Variants in TAFA2 observed in about 807,000 individuals in gnomAD.
The protein encoded by TAFA2 is TAFA chemokine like family member 2, also known as chemokine-like protein TAFA-2.
Under a neutral mutation model 18.8 loss-of-function variants are expected in TAFA2, and 7 were observed. The observed-to-expected ratio is 0.37, with a 90% confidence interval of 0.21 to 0.70. TAFA2 has a LOEUF of 0.70. Among genes scored for constraint, TAFA2 ranks in the 30% least tolerant of loss-of-function variants. The pLI is 0.53. For synonymous variants in TAFA2, 60 were observed against 54.2 expected (o/e 1.11, Z -0.47); for missense variants, 122 against 158.1 (o/e 0.77, Z 1.23).
chr12:61,745,777 A>T (rs558480735), intron 4 of TAFA2, among the ~76,000 whole-genome samples: 12 of 152,188 alleles, frequency 7.9e-5, no homozygotes, highest in African/African-American at 2.9e-4. Flanking sequence ...TGATGTTAAG[A>T]GAGGGAGATT....
In TAFA2 at chr12:62,234,269, T is replaced by C. The variant is rs1482570804; in HGVS notation, c.-130+24494A>G. 3 of 376,238 alleles carry C rather than the reference T, an allele frequency of 8.0e-6. No homozygotes were observed. The East Asian group carries it at 1.9e-4, about 24-fold the overall frequency. 23.3% of individuals were successfully genotyped at this position (376,238 alleles called of 1,614,324 possible). A position where few individuals can be genotyped will look rare whatever the true frequency, so the allele number is the denominator to read the frequency against. Reference sequence around the variant, plus strand: ...ATGGGTCCCCACAGCCTTGGTGCTCTCAGTATTGTAGGCTCAAAAAACATT... The same window carrying C: ...ATGGGTCCCCACAGCCTTGGTGCTCCCAGTATTGTAGGCTCAAAAAACATT... On this transcript the variant is annotated intron_variant, in intron 1 of 5. Transcript: ENST00000551619.
intron 1 of TAFA2, among the ~76,000 whole-genome samples, chr12:62,098,677 G>A (rs866807785): frequency 6.6e-6 from 1 of 152,018 alleles, no homozygotes. Context: ...GGAAGTCTAC[G>A]CCTCTTGCAA....
At chr12:62,087,504 A>G (rs1217294587) in intron 1 of TAFA2, among the ~76,000 whole-genome samples, 6 of 152,090 alleles carry the variant, frequency 3.9e-5, no homozygotes, top group African/African-American at 1.4e-4. Flanking sequence ...CCTGGGGGAC[A>G]AGCATTTGAA....
chr12:61,870,037 C>T (rs1261969724), intron 1 of TAFA2, among the ~76,000 whole-genome samples: 1 of 152,160 alleles, frequency 6.6e-6, no homozygotes, highest in Admixed American at 6.5e-5. Flanking sequence ...GATGACAGAA[C>T]TGACAGATGG....
At chr12:62,194,475 A>G (rs1399904660), upstream of TAFA2, among the ~76,000 whole-genome samples, 11 of 152,180 alleles carry the variant, frequency 7.2e-5, no homozygotes, top group Non-Finnish European at 1.6e-4. Flanking sequence ...TTTTCTAACT[A>G]AACCCACTGT....
At chr12:61,961,481 T>C (rs1275129519) in intron 1 of TAFA2, among the ~76,000 whole-genome samples, 1 of 152,030 alleles carries the variant, frequency 6.6e-6, no homozygotes, top group East Asian at 1.9e-4. Context: ...TCATTTTTGT[T>C]AACTGGGAGT....
At chr12:61,732,069 G>A (rs998945985) in intron 4 of TAFA2, among the ~76,000 whole-genome samples, 14 of 152,102 alleles carry the variant, frequency 9.2e-5, no homozygotes, top group African/African-American at 3.4e-4. Context: ...GAGAGAAAGA[G>A]AGGGACTTTT....
At chr12:61,964,052 T>A (rs938295114) in intron 1 of TAFA2, among the ~76,000 whole-genome samples, 4 of 151,990 alleles carry the variant, frequency 2.6e-5, no homozygotes, top group Non-Finnish European at 5.9e-5. Flanking sequence ...ACCCCTTCCT[T>A]ACACCTTATA....
rs940630415 is a variant in TAFA2 at position 61,709,444 on chromosome 12, A to T, written c.*962T>A. On this transcript the variant is annotated 3_prime_UTR_variant, in exon 5 of 5. Transcript: ENST00000416284. ...TTAAAATGAGATAGGACAGTTTTTT[A>T]AAAAATACTGGAAGAAATCTAAGTG... The T allele has an allele frequency of 1.2e-4, 19 of 152,220 alleles. No individual in the cohort carries two copies. The highest frequency in any genetic ancestry group is 2.1e-4 in the South Asian group (1 of 4,826). 9.4% of individuals were successfully genotyped at this position (152,220 alleles called of 1,614,324 possible). A position where few individuals can be genotyped will look rare whatever the true frequency, so the allele number is the denominator to read the frequency against.
At chr12:62,137,456 C>T (rs957973783) in intron 1 of TAFA2, among the ~76,000 whole-genome samples, 3 of 152,096 alleles carry the variant, frequency 2.0e-5, no homozygotes, top group Admixed American at 1.3e-4. Context: ...GGTCACACTG[C>T]TGGTTGAGGA....
intron 1 of TAFA2, among the ~76,000 whole-genome samples, chr12:62,236,561 A>C (rs1193985666): frequency 6.6e-6 from 1 of 152,174 alleles, no homozygotes; most frequent in African/African-American, 2.4e-5. Flanking sequence ...CACCGCACCC[A>C]GCCCAAATGT....
At chr12:61,840,743 G>A in intron 2 of TAFA2, among the ~76,000 whole-genome samples, 1 of 151,898 alleles carries the variant, frequency 6.6e-6, no homozygotes, top group Admixed American at 6.6e-5. Flanking sequence ...ATGGTCTGCT[G>A]CTTTTCTAGA....
rs144024327 is a variant in TAFA2, at chr12:62,122,741, C to T, written c.-2+68518G>A. On this transcript the variant is annotated intron_variant, in intron 1 of 4. Transcript: ENST00000416284. ...AACCACTCACTGTTCCATATAACCC[C>T]AATCACCACAGAATTCATTCTAGGG... Among the ~76,000 whole-genome samples the T allele has an allele frequency of 1.3e-3, 203 of 152,236 alleles. 1 individual carries two copies. In the East Asian group the frequency reaches 0.037, roughly 28 times the overall value.
intron 1 of TAFA2, among the ~76,000 whole-genome samples, chr12:62,202,299 G>A (rs2062674604): frequency 6.7e-6 from 1 of 149,858 alleles, no homozygotes; most frequent in Non-Finnish European, 1.5e-5. Flanking sequence ...GTTTGCCCTT[G>A]GTTTTCTAGT....
intron 4 of TAFA2, among the ~76,000 whole-genome samples, chr12:61,726,237 G>T (rs2120628181): frequency 6.6e-6 from 1 of 151,760 alleles, no homozygotes; most frequent in African/African-American, 2.4e-5. Flanking sequence ...GGTTCCATAT[G>T]AATTTTAGGA....
intron 1 of TAFA2, among the ~76,000 whole-genome samples, chr12:62,240,957 C>T (rs757074606): frequency 2.4e-4 from 37 of 152,154 alleles, no homozygotes; most frequent in Admixed American, 5.2e-4. Flanking sequence ...TAGTTTCATC[C>T]CAAAACTATT....
chr12:62,126,069 T>C (rs1870446629), intron 1 of TAFA2, among the ~76,000 whole-genome samples: 1 of 152,120 alleles, frequency 6.6e-6, no homozygotes, highest in Non-Finnish European at 1.5e-5. Context: ...GTTGTCTTAG[T>C]GTGGTTTAAT....
chr12:61,836,037 C>T (rs1327758976), intron 2 of TAFA2, among the ~76,000 whole-genome samples: 2 of 151,834 alleles, frequency 1.3e-5, no homozygotes, highest in Non-Finnish European at 2.9e-5. Flanking sequence ...TATCTAATGT[C>T]CTCCAGTCCT....
chr12:61,992,452 C>T (rs1880043798), intron 1 of TAFA2, among the ~76,000 whole-genome samples: 2 of 152,122 alleles, frequency 1.3e-5, no homozygotes, highest in Non-Finnish European at 1.5e-5. Flanking sequence ...TCCCTAAACC[C>T]TCTTTGCCTC....
Sources: allele counts gnomAD v4.1 joint callset (sites outside exome capture counted in the v4.1 genomes callset), GRCh38; gene constraint gnomAD v4.1.1; transcripts MANE v1.5; gene names NCBI Gene and HGNC (gene_info 2026-07-23, HGNC 2026-07-21).